LINGO2: variants seen among roughly 807,000 people sequenced by gnomAD.
LINGO2 encodes leucine rich repeat and Ig domain containing 2.
LINGO2 carries 14 observed loss-of-function variants against 30.6 expected under a neutral mutation model. That is an observed-to-expected ratio of 0.46 (90% confidence interval 0.30 to 0.72). The LOEUF is 0.72. Ranked by LOEUF, LINGO2 falls within the 30% of genes least tolerant of loss-of-function variation. The pLI is 0.07. For missense variants in LINGO2, 729 were observed against 751.7 expected (o/e 0.97, Z 0.35); for synonymous variants, 317 against 288.5 (o/e 1.10, Z -1.00).
At chr9:28,399,055 ATCT>A (rs1822161935) in intron 2 of LINGO2, among the ~76,000 whole-genome samples, 1 of 152,212 alleles carries the variant, frequency 6.6e-6, no homozygotes, top group Non-Finnish European at 1.5e-5. Context: ...GTTTGGCAGC[ATCT>A]TCTCACCTCC....
At chr9:28,475,186 C>T (rs767644458) in intron 2 of LINGO2, among the ~76,000 whole-genome samples, 5 of 152,038 alleles carry the variant, frequency 3.3e-5, no homozygotes, top group East Asian at 3.8e-4. Context: ...AACACAATTA[C>T]GTATTCATAA....
At chr9:28,610,899 T>C (rs958797555) in intron 1 of LINGO2, among the ~76,000 whole-genome samples, 1 of 152,196 alleles carries the variant, frequency 6.6e-6, no homozygotes, top group Non-Finnish European at 1.5e-5. Context: ...CATTTTATTT[T>C]TTCCTTTGAA....
chr9:28,054,388 G>A (rs1824820777), intron 4 of LINGO2, among the ~76,000 whole-genome samples: 1 of 152,096 alleles, frequency 6.6e-6, no homozygotes, highest in Non-Finnish European at 1.5e-5. Flanking sequence ...AAGATCAGTA[G>A]TAGCTGATGA....
chr9:28,947,341 G>A, the LINGO2 span, among the ~76,000 whole-genome samples: 1 of 152,054 alleles, frequency 6.6e-6, no homozygotes. Flanking sequence ...TGATAGAGTA[G>A]ATTTTGCAGT....
At chr9:28,364,685 G>C (rs558029239) in intron 3 of LINGO2, among the ~76,000 whole-genome samples, 2 of 152,150 alleles carry the variant, frequency 1.3e-5, no homozygotes, top group Non-Finnish European at 2.9e-5. Context: ...TGTTTTCAAC[G>C]TAATTTTCCT....
At chr9:28,087,364 T>C (rs1004090536) in intron 4 of LINGO2, among the ~76,000 whole-genome samples, 1 of 152,126 alleles carries the variant, frequency 6.6e-6, no homozygotes, top group Admixed American at 6.6e-5. Flanking sequence ...AAAGCACTTT[T>C]AAAACAATAT....
rs1038666638 is a variant in LINGO2, at chr9:28,062,193, C to A, written c.-86-49788G>T. On this transcript the variant is annotated intron_variant, in intron 4 of 5. Coordinates refer to ENST00000379992, the Ensembl canonical transcript of LINGO2. ...CAAATTCAGATCGAATGCTGACATA[C>A]CTTACCAGATTCCCATAGAATGCAG... Among the ~76,000 whole-genome samples the A allele has an allele frequency of 2.6e-5, 4 of 151,940 alleles. No homozygotes were observed. The East Asian group carries it at 7.8e-4, about 29-fold the overall frequency.
At position 28,640,247 on chromosome 9, in the gene LINGO2, C is replaced by T. The variant is rs191420895; in HGVS notation, c.-365+29953G>A. ...AACCCGACCTTTCTCTGTGGCTGCC[C>T]GTAACATTTTTTCCTTCATTTCAAC... is the stretch of plus-strand genomic sequence containing the variant. On this transcript the variant is annotated intron_variant, in intron 1 of 5. Coordinates refer to ENST00000379992, the Ensembl canonical transcript of LINGO2. Among the ~76,000 whole-genome samples, 455 of 152,026 alleles carry T rather than the reference C, an allele frequency of 3.0e-3. 3 individuals are homozygous for T. The highest frequency in any genetic ancestry group is 0.011 in the African/African-American group (436 of 41,462).
chr9:28,578,838 A>C (rs1279512590), intron 1 of LINGO2, among the ~76,000 whole-genome samples: 1 of 152,140 alleles, frequency 6.6e-6, no homozygotes, highest in African/African-American at 2.4e-5. Context: ...GTATAAATTC[A>C]TGGTTGGTTT....
chr9:28,166,234 C>G (rs551772264), intron 4 of LINGO2, among the ~76,000 whole-genome samples: 6 of 152,244 alleles, frequency 3.9e-5, no homozygotes, highest in African/African-American at 1.4e-4. Context: ...TACAAGAACA[C>G]CTAATCCAAA....
At chr9:28,601,218 C>G (rs1225149433) in intron 1 of LINGO2, among the ~76,000 whole-genome samples, 1 of 152,044 alleles carries the variant, frequency 6.6e-6, no homozygotes, top group African/African-American at 2.4e-5. Flanking sequence ...GAGCTGATAT[C>G]GCAGATAGCC....
chr9:28,969,365 G>C, the LINGO2 span, among the ~76,000 whole-genome samples: 1 of 152,184 alleles, frequency 6.6e-6, no homozygotes, highest in East Asian at 1.9e-4. Context: ...CCAGGGGCAG[G>C]TAGTGGGCCC....
At chr9:28,844,714 G>A in the LINGO2 span, among the ~76,000 whole-genome samples, 2 of 151,652 alleles carry the variant, frequency 1.3e-5, no homozygotes, top group African/African-American at 4.9e-5. Context: ...CATCAAGTTT[G>A]GTGCCTTTTT....
At chr9:28,476,420 C>T (rs566324579) in intron 1 of LINGO2, among the ~76,000 whole-genome samples, 139 of 152,198 alleles carry the variant, frequency 9.1e-4, no homozygotes, top group Middle Eastern at 3.4e-3. Flanking sequence ...GGACTACAGG[C>T]GCCCGCCACC....
chr9:28,890,387 C>T, the LINGO2 span, among the ~76,000 whole-genome samples: 121 of 152,154 alleles, frequency 8.0e-4, no homozygotes, highest in African/African-American at 2.7e-3. Flanking sequence ...TGGGTACACA[C>T]TTGTGTACCA....
At chr9:28,446,471 A>G (rs888693563) in intron 2 of LINGO2, among the ~76,000 whole-genome samples, 6 of 152,230 alleles carry the variant, frequency 3.9e-5, no homozygotes, top group Non-Finnish European at 8.8e-5. Flanking sequence ...TTGGGCAACT[A>G]TTATACTTAA....
the LINGO2 span, among the ~76,000 whole-genome samples, chr9:29,028,545 A>G: frequency 3.3e-5 from 5 of 152,224 alleles, no homozygotes; most frequent in East Asian, 7.7e-4. Context: ...TACTCCCATC[A>G]AAAGGTAGAA....
chr9:28,716,661 C>T, the LINGO2 span, among the ~76,000 whole-genome samples: 1 of 152,070 alleles, frequency 6.6e-6, no homozygotes, highest in African/African-American at 2.4e-5. Context: ...TTCCATTTAT[C>T]TTTGCCAAAT....
intron 4 of LINGO2, among the ~76,000 whole-genome samples, chr9:28,097,503 C>T (rs532038392): frequency 7.0e-6 from 1 of 143,734 alleles, no homozygotes; most frequent in African/African-American, 2.6e-5. Context: ...TACTATGCAG[C>T]CATAAAAAAT....
Sources: gnomAD v4.1 joint callset for allele counts (sites outside exome capture counted in the v4.1 genomes callset) on GRCh38, gnomAD v4.1.1 for gene constraint, MANE v1.5 for transcripts, NCBI Gene and HGNC (gene_info 2026-07-23, HGNC 2026-07-21) for gene names.